The following JAK1 variants were observed in gnomAD, a reference collection of about 807,000 sequenced individuals.
The protein encoded by JAK1 is Janus kinase 1.
JAK1 carries 16 observed loss-of-function variants against 136.6 expected under a neutral mutation model. The ratio of observed to expected loss-of-function variants is 0.12; its 90% CI spans 0.08 to 0.18. The LOEUF (loss-of-function observed/expected upper bound fraction) is 0.18, where lower values mean the gene tolerates loss of function less well. Ranked by LOEUF, JAK1 falls within the 10% of genes least tolerant of loss-of-function variation. The pLI is 1.00. For synonymous variants in JAK1, 492 were observed against 519.5 expected (o/e 0.95, Z 0.72); for missense variants, 859 against 1,450.1 (o/e 0.59, Z 6.62).
At chr1:65,008,440 C>T (rs1557755683) in intron 2 of JAK1, among the ~76,000 whole-genome samples, 3 of 151,322 alleles carry the variant, frequency 2.0e-5, no homozygotes. Context: ...CTATGAACTT[C>T]TTTTTTTTTC....
At chr1:64,937,629 T>G (rs1186609836) in intron 1 of JAK1, among the ~76,000 whole-genome samples, 1 of 152,156 alleles carries the variant, frequency 6.6e-6, no homozygotes. Flanking sequence ...GGAACACTGA[T>G]TAGTAACTGA....
chr1:64,914,754 G>T (rs975931360), intron 1 of JAK1, among the ~76,000 whole-genome samples: 1 of 152,058 alleles, frequency 6.6e-6, no homozygotes, highest in Non-Finnish European at 1.5e-5. Flanking sequence ...AGTAGAGATG[G>T]GGTTTCACCA....
At chr1:65,059,116 T>C (rs948950903) in intron 1 of JAK1, among the ~76,000 whole-genome samples, 5 of 148,730 alleles carry the variant, frequency 3.4e-5, no homozygotes, top group African/African-American at 1.2e-4. Context: ...GGAAATAGAT[T>C]AGATATTATT....
chr1:65,007,912 A>G (rs1646817120), intron 2 of JAK1, among the ~76,000 whole-genome samples: 2 of 147,646 alleles, frequency 1.4e-5, no homozygotes, highest in Non-Finnish European at 3.0e-5. Flanking sequence ...CACTCAGCTA[A>G]TTTTTGTATT....
intron 10 of JAK1, among the ~76,000 whole-genome samples, chr1:64,856,714 G>C (rs1263584726): frequency 6.6e-6 from 1 of 152,206 alleles, no homozygotes; most frequent in African/African-American, 2.4e-5. Flanking sequence ...GGAGCCCCGA[G>C]GCCCAGCTGT....
chr1:64,888,766 G>A (rs1252895457), intron 1 of JAK1, among the ~76,000 whole-genome samples: 1 of 152,208 alleles, frequency 6.6e-6, no homozygotes, highest in African/African-American at 2.4e-5. Context: ...GATTTGTGAT[G>A]CTTAGCCTAG....
At chr1:64,913,641 G>GAGGA (rs1204796184) in intron 1 of JAK1, among the ~76,000 whole-genome samples, 1,148 of 56,026 alleles carry the variant, frequency 0.02, 67 homozygotes, top group African/African-American at 0.057. Context: ...GGGAGGAAGG[G>GAGGA]AGGAAGGAAG....
At chr1:64,892,284 T>G (rs901430404) in intron 1 of JAK1, among the ~76,000 whole-genome samples, 10 of 151,382 alleles carry the variant, frequency 6.6e-5, no homozygotes, top group African/African-American at 2.2e-4. Flanking sequence ...TGTGCTTTTT[T>G]GGGGGGGATG....
chr1:64,933,509 C>T (rs748284193), intron 1 of JAK1, among the ~76,000 whole-genome samples: 9 of 152,218 alleles, frequency 5.9e-5, no homozygotes, highest in Non-Finnish European at 1.2e-4. Context: ...AGGCCTTTCA[C>T]GCATGTTTTC....
At chr1:65,008,036 T>A (rs1646818278) in intron 2 of JAK1, among the ~76,000 whole-genome samples, 1 of 152,214 alleles carries the variant, frequency 6.6e-6, no homozygotes, top group Admixed American at 6.5e-5. Context: ...TAAGCCACCA[T>A]GCCTGGCCTC....
chr1:65,052,233 G>C (rs762340582), intron 1 of JAK1, among the ~76,000 whole-genome samples: 2 of 148,376 alleles, frequency 1.3e-5, no homozygotes, highest in Non-Finnish European at 3.0e-5. Flanking sequence ...ACCACACCCA[G>C]CTCAGGCACA....
rs369180522 is a variant in JAK1, at chr1:64,964,502, A to G, written c.-78+1831T>C. ...ATTACAACAACTGAAATGTAGTTAT[A>G]TTTTAGGAAATGTTTGAATTATTTT... On this transcript the variant is annotated intron_variant, in intron 1 of 24. Coordinates refer to ENST00000342505, the MANE Select transcript of JAK1 (RefSeq NM_002227.4). Among the ~76,000 whole-genome samples the G allele has an allele frequency of 1.1e-4, 17 of 152,344 alleles. No homozygotes were observed. In the South Asian group the frequency reaches 3.5e-3, roughly 32 times the overall value.
chr1:64,852,331 C>A (rs1487776220), intron 11 of JAK1, among the ~76,000 whole-genome samples: 1 of 152,198 alleles, frequency 6.6e-6, no homozygotes, highest in East Asian at 1.9e-4. Context: ...GCTCTCGTCT[C>A]TACCCTTCCC....
chr1:64,935,506 G>A (rs568995121), intron 1 of JAK1, among the ~76,000 whole-genome samples: 8 of 152,224 alleles, frequency 5.3e-5, no homozygotes, highest in African/African-American at 1.9e-4. Context: ...TCGCCATGTT[G>A]GTCAGGCTGG....
chr1:64,921,446 T>C (rs1381410323), intron 1 of JAK1, among the ~76,000 whole-genome samples: 1 of 152,130 alleles, frequency 6.6e-6, no homozygotes, highest in Non-Finnish European at 1.5e-5. Flanking sequence ...CCCTTTGAAG[T>C]GTACAAAGCA....
chr1:65,063,589 A>C (rs1271021230), intron 1 of JAK1, among the ~76,000 whole-genome samples: 2 of 152,106 alleles, frequency 1.3e-5, no homozygotes, highest in Non-Finnish European at 2.9e-5. Context: ...GGATCACCCG[A>C]GCTTAGGAGT....
chr1:64,968,998 T>C (rs112271806), upstream of JAK1, among the ~76,000 whole-genome samples: 9 of 146,742 alleles, frequency 6.1e-5, no homozygotes, highest in Non-Finnish European at 8.9e-5. Context: ...TATTTCCGAC[T>C]ACTTGGGAGG....
At chr1:64,886,469 A>T in intron 1 of JAK1, 128 bp from the exon 2 acceptor site, 1 of 535,348 alleles carries the variant, frequency 1.9e-6, no homozygotes, top group South Asian at 3.1e-5. Context: ...AGGAAGAAGG[A>T]AAAAAACAAA....
intron 4 of JAK1, among the ~76,000 whole-genome samples, chr1:64,874,783 T>A (rs561622136): frequency 2.6e-4 from 40 of 152,306 alleles, no homozygotes; most frequent in African/African-American, 9.4e-4. Flanking sequence ...AAAAAGCTGC[T>A]GCTACACTTC....
Sources: allele counts gnomAD v4.1 joint callset (sites outside exome capture counted in the v4.1 genomes callset), GRCh38; gene constraint gnomAD v4.1.1; transcripts MANE v1.5; gene names NCBI Gene and HGNC (gene_info 2026-07-23, HGNC 2026-07-21).